The following NDST3 variants were observed in gnomAD, a reference collection of about 807,000 sequenced individuals.
The protein encoded by NDST3 is N-deacetylase and N-sulfotransferase 3, also known as bifunctional heparan sulfate N-deacetylase/N-sulfotransferase 3.
Under a neutral mutation model 96.1 loss-of-function variants are expected in NDST3, and 58 were observed. The ratio of observed to expected loss-of-function variants is 0.60; its 90% CI spans 0.49 to 0.75. The LOEUF (loss-of-function observed/expected upper bound fraction) is 0.75, where lower values mean the gene tolerates loss of function less well. Among genes scored for constraint, NDST3 ranks in the 30% least tolerant of loss-of-function variants. NDST3 has a pLI of 0.00. For missense variants in NDST3, 788 were observed against 1,034.2 expected, an observed-to-expected ratio of 0.76 and a Z score of 3.27; for synonymous variants, 333 against 359.7, an observed-to-expected ratio of 0.93 and a Z score of 0.84.
rs762470787 is a variant in NDST3, at chr4:118,169,672, TAATCCCA to T, written c.1539+25989_1539+25995del. 2.2e-4 allele frequency among the ~76,000 whole-genome samples: 33 copies of T among 151,902 alleles called. 1 individual carries two copies. The highest frequency in any genetic ancestry group is 4.7e-4 in the Non-Finnish European group (32 of 68,012). On this transcript the variant is annotated intron_variant, in intron 6 of 13. Coordinates refer to ENST00000296499, the MANE Select transcript of NDST3 (RefSeq NM_004784.3). ...AGCCTGGCATGGTGGCTGGTGCCTGTAATCCCAGCTACTCAGGAGGCTGAGGCACAAG... is the reference window on the plus strand; with the variant it reads ...AGCCTGGCATGGTGGCTGGTGCCTGTGCTACTCAGGAGGCTGAGGCACAAG...
intron 4 of NDST3, among the ~76,000 whole-genome samples, chr4:118,136,890 G>A (rs1399786343): frequency 1.3e-5 from 2 of 152,236 alleles, no homozygotes; most frequent in Admixed American, 1.3e-4. Context: ...TAGGTAGGTT[G>A]GGACCAAATT....
intron 6 of NDST3, among the ~76,000 whole-genome samples, chr4:118,168,004 T>C (rs1405770154): frequency 1.3e-5 from 2 of 151,928 alleles, no homozygotes; most frequent in Admixed American, 6.6e-5. Flanking sequence ...GTCTTGGCAA[T>C]GATTCTTGAA....
At chr4:118,080,545 T>A (rs185155916) in intron 2 of NDST3, among the ~76,000 whole-genome samples, 49 of 152,288 alleles carry the variant, frequency 3.2e-4, no homozygotes, top group Admixed American at 2.7e-3. Context: ...TTAGGGAACA[T>A]CCTATTCCTA....
intron 1 of NDST3, among the ~76,000 whole-genome samples, chr4:118,052,403 G>A (rs1167430282): frequency 6.6e-6 from 1 of 151,842 alleles, no homozygotes; most frequent in Non-Finnish European, 1.5e-5. Flanking sequence ...AAGGAAGGAG[G>A]ACATACACGG....
At chr4:118,159,450 T>C (rs1734945698) in intron 6 of NDST3, among the ~76,000 whole-genome samples, 1 of 152,300 alleles carries the variant, frequency 6.6e-6, no homozygotes, top group South Asian at 2.1e-4. Context: ...TGAAGGTTTG[T>C]TCCTATACAA....
chr4:118,155,027 T>G (rs1055362237), intron 6 of NDST3, among the ~76,000 whole-genome samples: 2 of 152,246 alleles, frequency 1.3e-5, no homozygotes, highest in Admixed American at 1.3e-4. Context: ...AATGTACTTT[T>G]AAAGAACTAC....
chr4:118,176,753 T>C (rs971124451), intron 6 of NDST3, among the ~76,000 whole-genome samples: 2 of 152,090 alleles, frequency 1.3e-5, no homozygotes, highest in African/African-American at 4.8e-5. Context: ...TTGTAAGCCA[T>C]AACCCTTTCT....
intron 3 of NDST3, 58 bp from the exon 4 acceptor site, chr4:118,114,744 AGATT>A: frequency 3.3e-6 from 5 of 1,497,990 alleles, no homozygotes; most frequent in Non-Finnish European, 4.6e-6. Context: ...ATAGATAAGT[AGATT>A]GATTGATCAT....
intron 6 of NDST3, among the ~76,000 whole-genome samples, chr4:118,222,323 T>C (rs992251684): frequency 4.0e-5 from 6 of 151,458 alleles, no homozygotes; most frequent in African/African-American, 1.5e-4. Context: ...AAGAAAAAAG[T>C]AACAAAGAAA....
intron 12 of NDST3, among the ~76,000 whole-genome samples, chr4:118,252,583 T>C (rs1162143520): frequency 6.6e-6 from 1 of 152,232 alleles, no homozygotes; most frequent in Non-Finnish European, 1.5e-5. Context: ...TTATTTATTA[T>C]AATTATGGCA....
rs1160457402 is a variant in NDST3 at position 118,066,191 on chromosome 4, ATATATTATATTT to A, written c.981+11306_981+11317del. ...TTATATTTTATATATTATATATCTT[ATATATTATATTT>A]TATATATTATACATAATATATTATA... On this transcript the variant is annotated intron_variant, in intron 2 of 13. Transcript: ENST00000296499. Among the ~76,000 whole-genome samples the A allele has an allele frequency of 2.9e-4, 20 of 69,594 alleles. 1 individual carries two copies. Among genetic ancestry groups the A allele is most frequent in the African/African-American group, 8.8e-4 (16 of 18,102 alleles). 45.7% of individuals were successfully genotyped at this position (69,594 alleles called of 152,430 possible).
chr4:118,121,716 A>G (rs1172873320), intron 4 of NDST3, among the ~76,000 whole-genome samples: 1 of 152,202 alleles, frequency 6.6e-6, no homozygotes, highest in Non-Finnish European at 1.5e-5. Context: ...AAATAACATT[A>G]GGGTTTAAGC....
intron 12 of NDST3, among the ~76,000 whole-genome samples, chr4:118,251,612 G>C: frequency 6.6e-6 from 1 of 152,060 alleles, no homozygotes; most frequent in East Asian, 1.9e-4. Context: ...TAGATGTGTA[G>C]ATTTATTTCT....
At chr4:118,230,776 T>A (rs1269084529) in intron 8 of NDST3, among the ~76,000 whole-genome samples, 2 of 152,180 alleles carry the variant, frequency 1.3e-5, no homozygotes, top group Non-Finnish European at 2.9e-5. Flanking sequence ...TTCCCTATAA[T>A]GATCTATGAT....
At chr4:118,233,465 A>T (rs1264586130) in intron 9 of NDST3, among the ~76,000 whole-genome samples, 1 of 152,192 alleles carries the variant, frequency 6.6e-6, no homozygotes, top group Non-Finnish European at 1.5e-5. Context: ...AAAAATTTTC[A>T]TATATTTTTC....
At chr4:118,037,237 G>A (rs1397273577) in intron 1 of NDST3, among the ~76,000 whole-genome samples, 4 of 152,090 alleles carry the variant, frequency 2.6e-5, no homozygotes, top group African/African-American at 7.2e-5. Context: ...ATTTAACTTG[G>A]TGATAAGTAC....
Position 118,053,895 on chromosome 4 carries a change from G to C in NDST3, c.-16G>C. 6.4e-7 allele frequency: 1 copy of C among 1,566,580 alleles called. No individual in the cohort carries two copies. Among genetic ancestry groups the C allele is most frequent in the Non-Finnish European group, 8.6e-7 (1 of 1,157,006 alleles). ...ATGGTGCTTCTGTTGGCATAGTTGG[G>C]GAAAGCACCTACAACATGAGTTTTA... is the stretch of plus-strand genomic sequence containing the variant. On this transcript the variant is annotated 5_prime_UTR_variant, in exon 2 of 14. Transcript: ENST00000296499.
rs5861382 is a variant in NDST3, at chr4:118,253,485, CT to C, written c.2400-3del. The C allele has an allele frequency of 0.85, 1,076,598 of 1,266,526 alleles. 450,894 individuals are homozygous for C. The highest frequency in any genetic ancestry group is 0.89 in the Admixed American group (41,465 of 46,554). The allele number at this position is 1,266,526 out of a possible 1,614,324, so 78.5% of individuals were successfully genotyped here. On this transcript the variant is annotated splice_polypyrimidine_tract_variant and intron_variant, in intron 12 of 13. Coordinates refer to ENST00000296499, the MANE Select transcript of NDST3 (RefSeq NM_004784.3). ...ATTTTCTGGTTTTTCTGTGTGTATT[CT>C]TTTTTTTTTTAGGTTTGATTCTCAT...
At chr4:118,050,568 C>T (rs1725020554) in intron 1 of NDST3, among the ~76,000 whole-genome samples, 1 of 151,996 alleles carries the variant, frequency 6.6e-6, no homozygotes, top group Non-Finnish European at 1.5e-5. Context: ...TGTTCCTATA[C>T]ATATATCAAT....
Sources: allele counts gnomAD v4.1 joint callset (sites outside exome capture counted in the v4.1 genomes callset), GRCh38; gene constraint gnomAD v4.1.1; transcripts MANE v1.5; gene names NCBI Gene and HGNC (gene_info 2026-07-23, HGNC 2026-07-21).